CCSER2: variants seen among roughly 807,000 people sequenced by gnomAD.
CCSER2 encodes coiled-coil serine rich protein 2.
In CCSER2, 46 loss-of-function variants were observed where a neutral mutation model predicts 92.3. The ratio of observed to expected loss-of-function variants is 0.50; its 90% CI spans 0.39 to 0.64. The LOEUF (loss-of-function observed/expected upper bound fraction) is 0.64, where lower values mean the gene tolerates loss of function less well. Ranked by LOEUF, CCSER2 falls within the 30% of genes least tolerant of loss-of-function variation. The pLI is 0.00. For synonymous variants in CCSER2, 433 were observed against 431.4 expected (o/e 1.00, Z -0.04); for missense variants, 1,244 against 1,238.9 (o/e 1.00, Z -0.06).
chr10:84,452,904 T>C (rs1226126695), intron 6 of CCSER2, among the ~76,000 whole-genome samples: 1 of 152,106 alleles, frequency 6.6e-6, no homozygotes, highest in Non-Finnish European at 1.5e-5. Flanking sequence ...TAATAGAGAG[T>C]ACTAACCATT....
intron 3 of CCSER2, among the ~76,000 whole-genome samples, chr10:84,408,007 A>G (rs1296742906): frequency 6.6e-6 from 1 of 152,152 alleles, no homozygotes; most frequent in Admixed American, 6.5e-5. Context: ...TGGTTAGTGA[A>G]TGGGCTGGGT....
Position 84,371,680 on chromosome 10 carries a change from A to G in CCSER2, c.628A>G (p.Ser210Gly). 1 of 1,613,812 alleles carries G rather than the reference A, an allele frequency of 6.2e-7. No individual in the cohort carries two copies. Among genetic ancestry groups the G allele is most frequent in the Non-Finnish European group, 8.5e-7 (1 of 1,179,884 alleles). The stretch of plus-strand genomic sequence containing the variant: ...AAGCTTAGCTCAATCCCCAGACAGT[A>G]GTAAATCTATTAATTGTGAAAAAAT... ...GESLAQSPDS[S>G]KSINCEKMVR... Residue 210 changes from serine to glycine, a missense_variant, in exon 2 of 10, where the codon AGT becomes GGT. Physicochemically the swap from Ser to Gly is moderately conservative, Grantham distance 56. Transcript: ENST00000372088.
At chr10:84,437,997 T>C (rs57134683) in intron 5 of CCSER2, among the ~76,000 whole-genome samples, 11,796 of 152,232 alleles carry the variant, frequency 0.077, 516 homozygotes, top group Middle Eastern at 0.12. Flanking sequence ...GTAACCTTTA[T>C]TGGAAAATAT....
intron 3 of CCSER2, among the ~76,000 whole-genome samples, chr10:84,417,271 G>C (rs549054697): frequency 2.8e-4 from 42 of 152,306 alleles, no homozygotes; most frequent in African/African-American, 9.9e-4. Flanking sequence ...AGAACAAATT[G>C]AGTCAAGCCA....
At chr10:84,509,077 A>C (rs1849217376) in intron 9 of CCSER2, among the ~76,000 whole-genome samples, 1 of 152,226 alleles carries the variant, frequency 6.6e-6, no homozygotes, top group African/African-American at 2.4e-5. Context: ...GCTTGTGTAT[A>C]ACATGCAGTC....
chr10:84,457,338 TATA>T (rs1319850515), intron 6 of CCSER2, among the ~76,000 whole-genome samples: 3 of 43,418 alleles, frequency 6.9e-5, no homozygotes, highest in Non-Finnish European at 1.5e-4. Flanking sequence ...TAATATATTA[TATA>T]TTATATATAA....
rs184732243 is a variant in CCSER2 at position 84,472,541 on chromosome 10, C to A, written c.2235+2083C>A. 2.4e-3 allele frequency among the ~76,000 whole-genome samples: 359 copies of A among 152,180 alleles called. 1 individual carries two copies. The highest frequency in any genetic ancestry group is 8.3e-3 in the African/African-American group (343 of 41,540). On this transcript the variant is annotated intron_variant, in intron 8 of 9. Transcript: ENST00000372088. Reference sequence around the variant, plus strand: ...GAGCCAAGATCATGCCACTGCACTTCAGCCTGGGTGACAGAGTGAGACTCT... The same window carrying A: ...GAGCCAAGATCATGCCACTGCACTTAAGCCTGGGTGACAGAGTGAGACTCT...
chr10:84,333,520 A>G (rs1843685105), intron 1 of CCSER2, among the ~76,000 whole-genome samples: 1 of 152,214 alleles, frequency 6.6e-6, no homozygotes, highest in Admixed American at 6.5e-5. Flanking sequence ...TTATCTTATT[A>G]TCCATGCCAA....
Position 84,455,930 on chromosome 10 carries a change from T to G in CCSER2, c.2065-8003T>G, listed in dbSNP as rs537786011. 13 of 674,256 alleles carry G rather than the reference T, an allele frequency of 1.9e-5. No individual in the cohort carries two copies. In the African/African-American group the frequency reaches 2.3e-4, roughly 12 times the overall value. The allele number at this position is 674,256 out of a possible 1,614,324, so 41.8% of individuals were successfully genotyped here. On this transcript the variant is annotated intron_variant, in intron 6 of 9. Coordinates refer to ENST00000372088, the MANE Select transcript of CCSER2 (RefSeq NM_001284240.2). ...CTTCTATGATTTCTGTTGCATCTTGTTCTGGATTTCTGTCTCAATTTTGGA... is the reference window on the plus strand; with the variant it reads ...CTTCTATGATTTCTGTTGCATCTTGGTCTGGATTTCTGTCTCAATTTTGGA...
rs1564685032 is a variant in CCSER2, at chr10:84,457,320, A to ATAATATAT, written c.2065-6612_2065-6611insAATATATT. ...ATATATAATATGTTATATATAATAT[A>ATAATATAT]TTATATATAATATATTATATATTAT... is the stretch of plus-strand genomic sequence containing the variant. On this transcript the variant is annotated intron_variant, in intron 6 of 9. Coordinates refer to ENST00000372088, the MANE Select transcript of CCSER2 (RefSeq NM_001284240.2). 1.5e-3 allele frequency among the ~76,000 whole-genome samples: 120 copies of ATAATATAT among 80,662 alleles called. 1 individual carries two copies. The highest frequency in any genetic ancestry group is 2.1e-3 in the Admixed American group (10 of 4,680). The allele number at this position is 80,662 out of a possible 152,430, so 52.9% of individuals were successfully genotyped here.
intron 3 of CCSER2, among the ~76,000 whole-genome samples, chr10:84,400,072 C>G (rs932258947): frequency 1.3e-5 from 2 of 151,990 alleles, no homozygotes; most frequent in Non-Finnish European, 2.9e-5. Context: ...GCCCATTTAA[C>G]TGGGCTGTTT....
At chr10:84,490,195 G>A (rs918080656) in intron 9 of CCSER2, among the ~76,000 whole-genome samples, 1 of 152,060 alleles carries the variant, frequency 6.6e-6, no homozygotes, top group African/African-American at 2.4e-5. Flanking sequence ...TTTCAGCTTT[G>A]GTGAATCTGA....
At chr10:84,436,325 CAAAAAAA>C (rs1160681619) in intron 5 of CCSER2, among the ~76,000 whole-genome samples, 12 of 14,338 alleles carry the variant, frequency 8.4e-4, no homozygotes, top group South Asian at 5.4e-3. Flanking sequence ...GACTCCGTCT[CAAAAAAA>C]AAAAAAAAAA....
chr10:84,404,953 A>G (rs1457837606), intron 3 of CCSER2, among the ~76,000 whole-genome samples: 1 of 152,210 alleles, frequency 6.6e-6, no homozygotes, highest in East Asian at 1.9e-4. Flanking sequence ...TGGAAGACTC[A>G]GTGTAGTGAA....
At chr10:84,387,668 C>G (rs1841295251) in intron 3 of CCSER2, among the ~76,000 whole-genome samples, 1 of 149,938 alleles carries the variant, frequency 6.7e-6, no homozygotes, top group Non-Finnish European at 1.5e-5. Flanking sequence ...AGCTGGAACT[C>G]CAGGCGTCCG....
At chr10:84,423,344 G>A (rs944777140) in intron 4 of CCSER2, among the ~76,000 whole-genome samples, 2 of 152,148 alleles carry the variant, frequency 1.3e-5, no homozygotes, top group African/African-American at 4.8e-5. Context: ...TTGAACATTA[G>A]TCTTTTGTGG....
intron 6 of CCSER2, among the ~76,000 whole-genome samples, chr10:84,459,162 C>G (rs887530239): frequency 6.6e-6 from 1 of 152,120 alleles, no homozygotes; most frequent in South Asian, 2.1e-4. Flanking sequence ...CATGTGCCAC[C>G]ACGCTTGGTT....
chr10:84,385,031 A>ACACACACACC (rs1356165226), intron 3 of CCSER2, among the ~76,000 whole-genome samples: 2 of 151,998 alleles, frequency 1.3e-5, no homozygotes, highest in Non-Finnish European at 2.9e-5. Context: ...ACACACACAC[A>ACACACACACC]CACCCAGGAA....
chr10:84,383,299 T>TG (rs1439135493), intron 3 of CCSER2, among the ~76,000 whole-genome samples: 23 of 142,932 alleles, frequency 1.6e-4, no homozygotes, highest in African/African-American at 5.5e-4. Context: ...GATGCTTTGA[T>TG]CTTTTTATTT....
Sources: allele counts gnomAD v4.1 joint callset (sites outside exome capture counted in the v4.1 genomes callset), GRCh38; gene constraint gnomAD v4.1.1; transcripts MANE v1.5; gene names NCBI Gene and HGNC (gene_info 2026-07-23, HGNC 2026-07-21).